MPHOSPH8: variants seen among roughly 807,000 people sequenced by gnomAD.
MPHOSPH8 encodes the protein M-phase phosphoprotein, mpp.
MPHOSPH8 carries 45 observed loss-of-function variants against 87.3 expected under a neutral mutation model. The ratio of observed to expected loss-of-function variants is 0.52; its 90% CI spans 0.41 to 0.66. The LOEUF is 0.66. Ranked by LOEUF, MPHOSPH8 falls within the 30% of genes least tolerant of loss-of-function variation. The probability of loss-of-function intolerance (pLI) is 0.00; values close to 1 mark genes in which losing one functional copy is unlikely to be tolerated. For synonymous variants in MPHOSPH8, 366 were observed against 376.9 expected, an observed-to-expected ratio of 0.97 and a Z score of 0.33; for missense variants, 883 against 1,020.2, an observed-to-expected ratio of 0.87 and a Z score of 1.83.
chr13:19,668,628 G>T, intron 11 of MPHOSPH8, 97 bp downstream of exon 11: 9 of 1,311,050 alleles, frequency 6.9e-6, no homozygotes, highest in Non-Finnish European at 9.3e-6. Context: ...AAACTTTAAG[G>T]AAATTCCATT....
rs778122908 is a variant in MPHOSPH8, at chr13:19,647,100, G to A, written c.1027G>A (p.Glu343Lys). ...CCCGAGAAAGGCTGAGGACACTAGA[G>A]AGAACAGGAAGCTAGAGAACAAGAA... Reference protein sequence around the residue: ...KTPRKAEDTRENRKLENKNAF... With the variant: ...KTPRKAEDTRKNRKLENKNAF... Residue 343 changes from glutamate to lysine, a missense_variant, in exon 3 of 14, where the codon GAG becomes AAG. Glu to Lys is a moderately conservative substitution (Grantham distance 56, BLOSUM62 1). Coordinates refer to ENST00000361479, the MANE Select transcript of MPHOSPH8 (RefSeq NM_017520.4). 2 of 1,613,196 alleles carry A rather than the reference G, an allele frequency of 1.2e-6. No individual in the cohort carries two copies. The highest frequency in any genetic ancestry group is 1.7e-6 in the Non-Finnish European group (2 of 1,179,768).
At chr13:19,636,064 A>C (rs1334361301) in intron 1 of MPHOSPH8, among the ~76,000 whole-genome samples, 1 of 152,174 alleles carries the variant, frequency 6.6e-6, no homozygotes, top group Non-Finnish European at 1.5e-5. Context: ...AGCCATGCTG[A>C]ACTGAGTCAA....
intron 9 of MPHOSPH8, among the ~76,000 whole-genome samples, chr13:19,664,628 G>A (rs552726142): frequency 6.6e-6 from 1 of 152,326 alleles, no homozygotes; most frequent in East Asian, 1.9e-4. Context: ...ACAGAAGTCT[G>A]TACCTCGGGA....
chr13:19,670,910 C>G (rs1343448420), intron 12 of MPHOSPH8: 1 of 989,048 alleles, frequency 1.0e-6, no homozygotes, highest in South Asian at 1.4e-5. Flanking sequence ...GTCTTGACTT[C>G]CCAGGCACAA....
In MPHOSPH8 at chr13:19,672,041, T is replaced by C. The variant is rs1876159984; in HGVS notation, c.*166T>C. 2 of 655,226 alleles carry C rather than the reference T, an allele frequency of 3.1e-6. No individual in the cohort carries two copies. Among genetic ancestry groups the C allele is most frequent in the East Asian group, 5.4e-5 (2 of 36,762 alleles). The allele number at this position is 655,226 out of a possible 1,614,324, so 40.6% of individuals were successfully genotyped here. Reference sequence around the variant, plus strand: ...CTGTAAGATGCGACATAGCTGTGTCTGTGCCAGTATGCCGGAATCTCAGTG... The same window carrying C: ...CTGTAAGATGCGACATAGCTGTGTCCGTGCCAGTATGCCGGAATCTCAGTG... On this transcript the variant is annotated 3_prime_UTR_variant, in exon 14 of 14. Coordinates refer to ENST00000361479, the MANE Select transcript of MPHOSPH8 (RefSeq NM_017520.4).
intron 11 of MPHOSPH8, among the ~76,000 whole-genome samples, chr13:19,668,748 G>C (rs1399544241): frequency 6.6e-6 from 1 of 152,078 alleles, no homozygotes; most frequent in African/African-American, 2.4e-5. Context: ...TGGAAGTTAG[G>C]TCTTAATAAT....
Position 19,647,258 on chromosome 13 carries a change from G to T in MPHOSPH8, c.1185G>T (p.Glu395Asp), listed in dbSNP as rs144379781. Residue 395 changes from glutamate (E) to aspartate (D), a missense_variant, in exon 3 of 14, where the codon GAG (glutamate) becomes GAT (aspartate). Glu to Asp is a conservative substitution (Grantham distance 45, BLOSUM62 2). Coordinates refer to ENST00000361479, the MANE Select transcript of MPHOSPH8 (RefSeq NM_017520.4). ...AGGGCCGGAGGTTGAGCGGGGAAGAGAGAGGCCTCTGGTCCACGGACTCAG... is the reference window on the plus strand; with the variant it reads ...AGGGCCGGAGGTTGAGCGGGGAAGATAGAGGCCTCTGGTCCACGGACTCAG... ...TPKGRRLSGEERGLWSTDSAE... is the reference protein window; with the variant it reads ...TPKGRRLSGEDRGLWSTDSAE... The T allele has an allele frequency of 6.2e-7, 1 of 1,610,144 alleles. No individual in the cohort carries two copies. The highest frequency in any genetic ancestry group is 8.5e-7 in the Non-Finnish European group (1 of 1,178,978).
intron 1 of MPHOSPH8, among the ~76,000 whole-genome samples, chr13:19,638,215 G>A (rs376054471): frequency 3.3e-5 from 5 of 152,144 alleles, no homozygotes; most frequent in South Asian, 4.1e-4. Context: ...ATTTAATGTA[G>A]CTGAACAGTA....
chr13:19,658,232 C>T (rs1875306957), intron 5 of MPHOSPH8, among the ~76,000 whole-genome samples: 1 of 152,208 alleles, frequency 6.6e-6, no homozygotes, highest in African/African-American at 2.4e-5. Context: ...GCCAGGCCAT[C>T]TGCCTAACAT....
Position 19,668,410 on chromosome 13 carries a change from T to C in MPHOSPH8, c.2208T>C (p.Asp736=). The stretch of plus-strand genomic sequence containing the variant: ...GAGTAGCAGAAGAGACAATAAAGGA[T>C]TACTTTGAAGCTCGCCTTGCTCTGC... ...LSRVAEETIK[D]YFEARLALLE... Residue 736 remains aspartate, a synonymous_variant, in exon 11 of 14, where the codon GAT becomes GAC. Transcript: ENST00000361479. The C allele has an allele frequency of 6.2e-7, 1 of 1,614,054 alleles. No individual in the cohort carries two copies. The highest frequency in any genetic ancestry group is 8.5e-7 in the Non-Finnish European group (1 of 1,179,932).
chr13:19,648,087 G>A (rs942304223), intron 3 of MPHOSPH8, among the ~76,000 whole-genome samples: 5 of 151,760 alleles, frequency 3.3e-5, no homozygotes, highest in African/African-American at 1.2e-4. Context: ...GGACCAGAAG[G>A]GGGAACATGG....
intron 1 of MPHOSPH8, 98 bp from the exon 2 acceptor site, chr13:19,642,017 A>T: frequency 6.3e-5 from 63 of 1,006,194 alleles, no homozygotes; most frequent in Non-Finnish European, 8.0e-5. Context: ...GCAATTTTCA[A>T]GTTCTTTCAT....
rs1874609098 is a variant in MPHOSPH8 at position 19,647,091 on chromosome 13, G to T, written c.1018G>T (p.Asp340Tyr). The change falls in exon 3 of 14, where the codon GAC becomes TAC. Residue 340 changes from aspartate (D) to tyrosine (Y), a missense_variant. Around this residue, in one of 3 missense-constraint regions of MPHOSPH8, gnomAD observed 741 missense variants for 841.5 expected, o/e 0.88. Coordinates refer to ENST00000361479, the MANE Select transcript of MPHOSPH8 (RefSeq NM_017520.4). ...RKKKTPRKAEDTRENRKLENK... is the reference protein window; with the variant it reads ...RKKKTPRKAEYTRENRKLENK... The stretch of plus-strand genomic sequence containing the variant: ...AAAGAAGACCCCGAGAAAGGCTGAG[G>T]ACACTAGAGAGAACAGGAAGCTAGA... 6.2e-7 allele frequency: 1 copy of T among 1,611,366 alleles called. No homozygotes were observed. The highest frequency in any genetic ancestry group is 1.7e-5 in the Admixed American group (1 of 59,046).
intron 3 of MPHOSPH8, 77 bp from the exon 4 acceptor site, chr13:19,648,345 G>C: frequency 1.1e-6 from 1 of 880,904 alleles, no homozygotes; most frequent in Non-Finnish European, 1.7e-6. Context: ...CCACAAACCT[G>C]TATTTTCCGG....
Position 19,673,235 on chromosome 13 carries a change from G to C in MPHOSPH8, c.*1360G>C. 1 of 418,980 alleles carries C rather than the reference G, an allele frequency of 2.4e-6. No individual in the cohort carries two copies. Among genetic ancestry groups the C allele is most frequent in the South Asian group, 1.7e-5 (1 of 57,422 alleles). 26.0% of individuals were successfully genotyped at this position (418,980 alleles called of 1,614,324 possible). ...CTCTCTGGGAAGAGTTCCTGCTTCT[G>C]TATGGCAAGCATAAATCAAGCTCAG... is the stretch of plus-strand genomic sequence containing the variant. On this transcript the variant is annotated 3_prime_UTR_variant, in exon 14 of 14. Coordinates refer to ENST00000361479, the MANE Select transcript of MPHOSPH8 (RefSeq NM_017520.4).
At chr13:19,663,742 G>A (rs1037688737) in intron 9 of MPHOSPH8, among the ~76,000 whole-genome samples, 7 of 152,146 alleles carry the variant, frequency 4.6e-5, no homozygotes, top group Admixed American at 6.5e-5. Context: ...GATATAGCAG[G>A]TCCAGACACC....
intron 1 of MPHOSPH8, among the ~76,000 whole-genome samples, chr13:19,639,822 G>A (rs1874193895): frequency 6.6e-6 from 1 of 152,092 alleles, no homozygotes; most frequent in African/African-American, 2.4e-5. Flanking sequence ...AGAATTTTAT[G>A]GGCCAGGCAC....
chr13:19,637,094 C>T (rs139493060), intron 1 of MPHOSPH8, among the ~76,000 whole-genome samples: 1 of 152,248 alleles, frequency 6.6e-6, no homozygotes, highest in Non-Finnish European at 1.5e-5. Context: ...ATAGTGACCA[C>T]GTTCAATAAC....
At chr13:19,671,803 T>C (rs962499369) in intron 13 of MPHOSPH8, 31 bp from the exon 14 acceptor site, 5 of 1,611,304 alleles carry the variant, frequency 3.1e-6, no homozygotes, top group Non-Finnish European at 4.2e-6. Flanking sequence ...TCTGGATCTG[T>C]ACTGACACCT....
Sources: allele counts gnomAD v4.1 joint callset (sites outside exome capture counted in the v4.1 genomes callset), GRCh38; gene constraint gnomAD v4.1.1; regional missense constraint gnomAD v4.1.1; transcripts MANE v1.5; gene names NCBI Gene and HGNC (gene_info 2026-07-23, HGNC 2026-07-21).